Variants in NEGR1 observed in about 807,000 individuals in gnomAD.
NEGR1 encodes IgLON family member 4.
Under a neutral mutation model 40.9 loss-of-function variants are expected in NEGR1, and 10 were observed. The ratio of observed to expected loss-of-function variants is 0.24; its 90% CI spans 0.15 to 0.42. The LOEUF (loss-of-function observed/expected upper bound fraction) is 0.42. Among genes scored for constraint, NEGR1 ranks in the 10% least tolerant of loss-of-function variants. NEGR1 has a pLI of 1.00. For missense variants in NEGR1, 352 were observed against 438.9 expected (o/e 0.80, Z 1.77); for synonymous variants, 185 against 166.8 (o/e 1.11, Z -0.84).
At chr1:71,668,113 G>C (rs1652301482) in intron 4 of NEGR1, among the ~76,000 whole-genome samples, 1 of 151,982 alleles carries the variant, frequency 6.6e-6, no homozygotes, top group African/African-American at 2.4e-5. Context: ...TATTTTCATT[G>C]GGTTTAACTA....
At chr1:72,050,164 T>G (rs2100473818) in intron 1 of NEGR1, among the ~76,000 whole-genome samples, 1 of 151,754 alleles carries the variant, frequency 6.6e-6, no homozygotes, top group Non-Finnish European at 1.5e-5. Context: ...AAAAATTAAT[T>G]ACATATAGTA....
At chr1:71,529,332 T>C (rs988462654) in intron 6 of NEGR1, among the ~76,000 whole-genome samples, 1 of 151,246 alleles carries the variant, frequency 6.6e-6, no homozygotes, top group Non-Finnish European at 1.5e-5. Flanking sequence ...GCTTTAGAGA[T>C]AATTATGACC....
At chr1:72,198,903 A>C (rs1452678582) in intron 1 of NEGR1, among the ~76,000 whole-genome samples, 2 of 151,892 alleles carry the variant, frequency 1.3e-5, no homozygotes, top group African/African-American at 2.4e-5. Context: ...ATTGATTGTG[A>C]TATTTTGTTC....
intron 6 of NEGR1, among the ~76,000 whole-genome samples, chr1:71,581,787 TG>T (rs1479984307): frequency 1.3e-5 from 2 of 151,978 alleles, no homozygotes; most frequent in Non-Finnish European, 2.9e-5. Context: ...ACTGCAGCCT[TG>T]ACCTTCTGGG....
intron 2 of NEGR1, among the ~76,000 whole-genome samples, chr1:71,930,161 T>G (rs1053816724): frequency 6.6e-6 from 1 of 152,166 alleles, no homozygotes; most frequent in African/African-American, 2.4e-5. Flanking sequence ...TAAATTTTTT[T>G]TTTACTTCCC....
chr1:71,645,545 T>C (rs1269879167), intron 4 of NEGR1, among the ~76,000 whole-genome samples: 1 of 151,922 alleles, frequency 6.6e-6, no homozygotes, highest in Admixed American at 6.6e-5. Flanking sequence ...CTTCTCTCAA[T>C]AATTATTTTT....
chr1:72,259,949 T>C (rs1176402331), intron 1 of NEGR1, among the ~76,000 whole-genome samples: 1 of 152,126 alleles, frequency 6.6e-6, no homozygotes, highest in Non-Finnish European at 1.5e-5. Context: ...ATTTTTGTTG[T>C]GTTTATTTTT....
At chr1:71,930,827 G>A (rs965716722) in intron 2 of NEGR1, among the ~76,000 whole-genome samples, 1 of 152,152 alleles carries the variant, frequency 6.6e-6, no homozygotes, top group Non-Finnish European at 1.5e-5. Context: ...AGCTGCAATG[G>A]AGTCTGGACA....
At chr1:71,961,801 C>T (rs574898570) in intron 1 of NEGR1, among the ~76,000 whole-genome samples, 1 of 152,222 alleles carries the variant, frequency 6.6e-6, no homozygotes, top group African/African-American at 2.4e-5. Flanking sequence ...GATACATCAT[C>T]TCATTAAGAA....
chr1:71,945,349 C>A (rs905396539), intron 1 of NEGR1, among the ~76,000 whole-genome samples: 1 of 152,102 alleles, frequency 6.6e-6, no homozygotes, highest in East Asian at 1.9e-4. Flanking sequence ...TATTACCCTA[C>A]ATCCCTGTGG....
chr1:72,273,044 C>A (rs1049014314), intron 1 of NEGR1, among the ~76,000 whole-genome samples: 3 of 151,920 alleles, frequency 2.0e-5, no homozygotes, highest in African/African-American at 7.2e-5. Flanking sequence ...AATTCAGAAC[C>A]TGATATGGCT....
intron 1 of NEGR1, among the ~76,000 whole-genome samples, chr1:72,278,915 A>G (rs999174076): frequency 6.6e-6 from 1 of 152,136 alleles, no homozygotes; most frequent in African/African-American, 2.4e-5. Flanking sequence ...TTTAAATACA[A>G]AGCTTAAGAA....
intron 1 of NEGR1, among the ~76,000 whole-genome samples, chr1:72,082,018 G>C (rs970470052): frequency 6.6e-6 from 1 of 152,096 alleles, no homozygotes; most frequent in Non-Finnish European, 1.5e-5. Flanking sequence ...CATGGTGAAA[G>C]ACAATATTAA....
intron 6 of NEGR1, among the ~76,000 whole-genome samples, chr1:71,591,108 T>C (rs1649483459): frequency 6.6e-6 from 1 of 152,150 alleles, no homozygotes; most frequent in African/African-American, 2.4e-5. Context: ...ATATGAACAT[T>C]TTTTCAAACT....
chr1:71,616,616 T>C (rs1650454795), intron 4 of NEGR1, among the ~76,000 whole-genome samples: 1 of 152,184 alleles, frequency 6.6e-6, no homozygotes, highest in South Asian at 2.1e-4. Flanking sequence ...GTACTTCAAT[T>C]GCACAACTGC....
intron 1 of NEGR1, among the ~76,000 whole-genome samples, chr1:72,263,255 A>G (rs1655521202): frequency 1.3e-5 from 2 of 151,688 alleles, no homozygotes; most frequent in Admixed American, 1.3e-4. Flanking sequence ...CATATTAAAC[A>G]GACTCTGCTA....
At chr1:71,433,666 G>A (rs182977242) in intron 6 of NEGR1, among the ~76,000 whole-genome samples, 30 of 152,258 alleles carry the variant, frequency 2.0e-4, no homozygotes, top group Admixed American at 1.7e-3. Flanking sequence ...TCACTACCAC[G>A]AGAACAGTAT....
intron 3 of NEGR1, among the ~76,000 whole-genome samples, chr1:71,711,787 T>G (rs1326292590): frequency 6.6e-6 from 1 of 152,220 alleles, no homozygotes; most frequent in African/African-American, 2.4e-5. Flanking sequence ...GTACATGCAA[T>G]CCAATTTGCT....
chr1:71,833,467 C>T (rs1314272138), intron 2 of NEGR1, among the ~76,000 whole-genome samples: 1 of 151,688 alleles, frequency 6.6e-6, no homozygotes, highest in Non-Finnish European at 1.5e-5. Flanking sequence ...GACTAGAATT[C>T]TCTACAGAGA....
Sources: allele counts gnomAD v4.1 joint callset (sites outside exome capture counted in the v4.1 genomes callset), GRCh38; gene constraint gnomAD v4.1.1; transcripts MANE v1.5; gene names NCBI Gene and HGNC (gene_info 2026-07-23, HGNC 2026-07-21).